The following PARM1 variants were observed in gnomAD, a reference collection of about 807,000 sequenced individuals.
PARM1 encodes the protein prostate androgen-regulated mucin-like protein 1, also known as WSC4, cell wall integrity and stress response component 4 homolog.
Under a neutral mutation model 24.6 loss-of-function variants are expected in PARM1, and 14 were observed. The observed-to-expected ratio is 0.57, with a 90% CI of 0.38 to 0.89. PARM1 has a LOEUF of 0.89. Among genes scored for constraint, PARM1 ranks in the 40% least tolerant of loss-of-function variants. PARM1 has a pLI of 0.00. For synonymous variants in PARM1, 179 were observed against 156.6 expected, an observed-to-expected ratio of 1.14 and a Z score of -1.07; for missense variants, 362 against 380.4, an observed-to-expected ratio of 0.95 and a Z score of 0.40.
At chr4:74,971,636 A>T (rs1285671097) in intron 1 of PARM1, among the ~76,000 whole-genome samples, 1 of 152,146 alleles carries the variant, frequency 6.6e-6, no homozygotes, top group African/African-American at 2.4e-5. Context: ...TTCTGAGCTG[A>T]CTTTGTTTAT....
chr4:75,018,931 G>C (rs1723038039), intron 2 of PARM1, among the ~76,000 whole-genome samples: 5 of 152,178 alleles, frequency 3.3e-5, no homozygotes, highest in Admixed American at 3.3e-4. Context: ...ACACAGAGTT[G>C]GGGAAGAACT....
chr4:75,012,389 C>G lies in PARM1; in HGVS notation c.44-36C>G, dbSNP rs776739917. 7 of 1,595,592 alleles carry G rather than the reference C, an allele frequency of 4.4e-6. No homozygotes were observed. The South Asian group carries it at 4.4e-5, about 10-fold the overall frequency. The stretch of plus-strand genomic sequence containing the variant: ...TCTATTTCACATATTACCGTGTTTT[C>G]ACATATTAACCACTTTTGTACTGGC... On this transcript the variant is annotated intron_variant, in intron 1 of 3. Coordinates refer to ENST00000307428, the MANE Select transcript of PARM1 (RefSeq NM_015393.4).
intron 2 of PARM1, among the ~76,000 whole-genome samples, chr4:75,031,866 A>G (rs1393645586): frequency 6.6e-6 from 1 of 152,204 alleles, no homozygotes; most frequent in African/African-American, 2.4e-5. Flanking sequence ...ACCTTACCCT[A>G]TGGTTGTAAC....
intron 2 of PARM1, among the ~76,000 whole-genome samples, chr4:75,025,221 C>G (rs890247925): frequency 3.3e-5 from 5 of 152,190 alleles, no homozygotes; most frequent in Admixed American, 1.3e-4. Context: ...ATTCCCCAGC[C>G]TGGCCTCTGG....
chr4:75,045,103 G>A (rs77127411), intron 3 of PARM1, among the ~76,000 whole-genome samples: 1,944 of 152,280 alleles, frequency 0.013, 47 homozygotes, highest in African/African-American at 0.043. Context: ...ACATTTGAGC[G>A]AAGACTTGAA....
In PARM1 at chr4:75,047,185, T is replaced by A; in HGVS notation, c.*938T>A. 1 of 152,198 alleles carries A rather than the reference T, an allele frequency of 6.6e-6. No homozygotes were observed. The highest frequency in any genetic ancestry group is 1.5e-5 in the Non-Finnish European group (1 of 68,050). The allele number at this position is 152,198 out of a possible 1,614,324, so 9.4% of individuals were successfully genotyped here. ...GATAATGGCCAGAGATATCCACAGCTTGGAGGAGCCCAGAGACCGTTTGCT... is the reference window on the plus strand; with the variant it reads ...GATAATGGCCAGAGATATCCACAGCATGGAGGAGCCCAGAGACCGTTTGCT... On this transcript the variant is annotated 3_prime_UTR_variant, in exon 4 of 4. Coordinates refer to ENST00000307428, the MANE Select transcript of PARM1 (RefSeq NM_015393.4).
At chr4:75,015,502 C>CA (rs1439108178) in intron 2 of PARM1, among the ~76,000 whole-genome samples, 26 of 152,216 alleles carry the variant, frequency 1.7e-4, no homozygotes, top group African/African-American at 5.8e-4. Context: ...CCTACTAAAT[C>CA]AAAAAATATT....
At chr4:75,032,911 C>CT (rs1368202220) in intron 2 of PARM1, among the ~76,000 whole-genome samples, 1 of 152,176 alleles carries the variant, frequency 6.6e-6, no homozygotes, top group African/African-American at 2.4e-5. Flanking sequence ...CGAAAACTCA[C>CT]TTTAAGTATT....
chr4:74,980,404 A>G (rs900344430), intron 1 of PARM1, among the ~76,000 whole-genome samples: 3 of 152,152 alleles, frequency 2.0e-5, no homozygotes, highest in African/African-American at 7.2e-5. Context: ...GAATACAGTT[A>G]ATAAGGGAAG....
At chr4:75,021,194 A>G (rs889464052) in intron 2 of PARM1, among the ~76,000 whole-genome samples, 1 of 152,222 alleles carries the variant, frequency 6.6e-6, no homozygotes, top group Non-Finnish European at 1.5e-5. Context: ...TGTTAGCCTC[A>G]TTAATCCTGA....
At chr4:74,966,499 T>C (rs767305616) in intron 1 of PARM1, among the ~76,000 whole-genome samples, 2 of 152,096 alleles carry the variant, frequency 1.3e-5, no homozygotes, top group Non-Finnish European at 2.9e-5. Flanking sequence ...CAAAAGTGTG[T>C]GGTCAGGAAC....
In PARM1 at chr4:74,963,148, G is replaced by T. The variant is rs150945593; in HGVS notation, c.43+29778G>T. Among the ~76,000 whole-genome samples the T allele has an allele frequency of 2.0e-5, 3 of 152,330 alleles. No individual in the cohort carries two copies. The East Asian group carries it at 5.8e-4, about 29-fold the overall frequency. Reference sequence around the variant, plus strand: ...AGTTTTCTGAGGCTTCCCCAGCAATGCGGATCTGTGAGTCAATCAAACCTC... The same window carrying T: ...AGTTTTCTGAGGCTTCCCCAGCAATTCGGATCTGTGAGTCAATCAAACCTC... On this transcript the variant is annotated intron_variant, in intron 1 of 3. Transcript: ENST00000307428.
intron 1 of PARM1, among the ~76,000 whole-genome samples, chr4:74,979,197 A>T (rs756964932): frequency 9.6e-4 from 136 of 142,254 alleles, no homozygotes; most frequent in Middle Eastern, 3.4e-3. Flanking sequence ...GTTCTTTTTT[A>T]AAAAAAATAT....
At chr4:74,947,008 C>T (rs1001064225) in intron 1 of PARM1, among the ~76,000 whole-genome samples, 1 of 151,978 alleles carries the variant, frequency 6.6e-6, no homozygotes, top group Admixed American at 6.5e-5. Context: ...AGGGTTATTC[C>T]AGCTAATAAA....
chr4:75,018,623 A>C (rs181462359), intron 2 of PARM1, among the ~76,000 whole-genome samples: 3 of 152,312 alleles, frequency 2.0e-5, no homozygotes, highest in Admixed American at 1.3e-4. Flanking sequence ...TATTTATTAC[A>C]ATTATCCTTT....
chr4:74,961,831 G>A (rs1324979866), intron 1 of PARM1, among the ~76,000 whole-genome samples: 1 of 152,088 alleles, frequency 6.6e-6, no homozygotes, highest in African/African-American at 2.4e-5. Context: ...AGTCCTTTTG[G>A]TTGAAATGAA....
At chr4:74,967,643 C>T (rs111298944) in intron 1 of PARM1, 10,872 of 152,104 alleles carry the variant, frequency 0.071, 462 homozygotes, top group Non-Finnish European at 0.094. Flanking sequence ...CATAGGCAAA[C>T]GCATTCTGAC....
At chr4:75,018,044 ATTATT>A (rs1723021639) in intron 2 of PARM1, among the ~76,000 whole-genome samples, 1 of 152,164 alleles carries the variant, frequency 6.6e-6, no homozygotes, top group African/African-American at 2.4e-5. Context: ...TATCATTGTT[ATTATT>A]TTATTTATCA....
chr4:75,034,481 A>T (rs1723331775), intron 3 of PARM1, among the ~76,000 whole-genome samples: 1 of 152,172 alleles, frequency 6.6e-6, no homozygotes, highest in Non-Finnish European at 1.5e-5. Flanking sequence ...TTCTCCTGAG[A>T]TTATGTCTTT....
Sources: gnomAD v4.1 joint callset for allele counts (sites outside exome capture counted in the v4.1 genomes callset) on GRCh38, gnomAD v4.1.1 for gene constraint, MANE v1.5 for transcripts, NCBI Gene and HGNC (gene_info 2026-07-23, HGNC 2026-07-21) for gene names.